DOCK3: variants seen among roughly 807,000 people sequenced by gnomAD.
DOCK3 encodes the protein dedicator of cytokinesis protein 3.
A neutral mutation model predicts 265.6 loss-of-function variants in DOCK3; 60 were observed. That is an observed-to-expected ratio of 0.23 (90% CI 0.18 to 0.28). The LOEUF (loss-of-function observed/expected upper bound fraction) is 0.28, where lower values mean the gene tolerates loss of function less well. DOCK3 is among the 10% of genes least tolerant of loss of function. DOCK3 has a pLI of 1.00. For missense variants in DOCK3, 1,981 were observed against 2,594.3 expected, an observed-to-expected ratio of 0.76 and a Z score of 5.14; for synonymous variants, 881 against 938.0, an observed-to-expected ratio of 0.94 and a Z score of 1.11.
intron 5 of DOCK3, among the ~76,000 whole-genome samples, chr3:51,005,329 GC>G (rs1323502581): frequency 1.3e-5 from 2 of 151,922 alleles, no homozygotes; most frequent in East Asian, 3.9e-4. Flanking sequence ...CACTGGTGAT[GC>G]CCCCAAACTT....
At chr3:51,161,412 C>T (rs1237161945) in intron 12 of DOCK3, among the ~76,000 whole-genome samples, 1 of 151,518 alleles carries the variant, frequency 6.6e-6, no homozygotes, top group African/African-American at 2.4e-5. Flanking sequence ...CCACTGCACT[C>T]CAGCCTGGGC....
chr3:51,327,626 A>C (rs1368295518), intron 32 of DOCK3, among the ~76,000 whole-genome samples: 1 of 149,792 alleles, frequency 6.7e-6, no homozygotes, highest in Non-Finnish European at 1.5e-5. Flanking sequence ...CTCCTTTATG[A>C]GCTCTGTAGG....
intron 3 of DOCK3, among the ~76,000 whole-genome samples, chr3:50,845,209 A>T (rs1275229177): frequency 6.6e-6 from 1 of 152,222 alleles, no homozygotes; most frequent in Non-Finnish European, 1.5e-5. Flanking sequence ...TCTGTCTCAA[A>T]AAAAACCAAC....
At chr3:51,337,203 G>A (rs1231970924) in intron 35 of DOCK3, among the ~76,000 whole-genome samples, 1 of 152,200 alleles carries the variant, frequency 6.6e-6, no homozygotes, top group Admixed American at 6.5e-5. Context: ...ACTTCCACAG[G>A]AAGGACATTT....
At chr3:50,996,702 G>A (rs1333750827) in intron 5 of DOCK3, among the ~76,000 whole-genome samples, 1 of 152,080 alleles carries the variant, frequency 6.6e-6, no homozygotes, top group Admixed American at 6.6e-5. Flanking sequence ...GAAGAAAAGA[G>A]GAAATGAGTA....
chr3:50,977,319 G>A (rs1409442159), intron 5 of DOCK3, among the ~76,000 whole-genome samples: 2 of 152,020 alleles, frequency 1.3e-5, no homozygotes, highest in African/African-American at 2.4e-5. Context: ...TCCTTCAGGA[G>A]CTCTTGTAAG....
intron 35 of DOCK3, among the ~76,000 whole-genome samples, chr3:51,335,924 C>G (rs555881281): frequency 7.4e-5 from 11 of 148,588 alleles, no homozygotes; most frequent in Non-Finnish European, 1.5e-4. Context: ...CCGGGGAGGT[C>G]GAGGATGCAG....
chr3:50,691,716 C>T (rs2035255484), intron 1 of DOCK3, among the ~76,000 whole-genome samples: 1 of 152,174 alleles, frequency 6.6e-6, no homozygotes, highest in South Asian at 2.1e-4. Flanking sequence ...GCATCCTCCC[C>T]AATACTTGTT....
intron 10 of DOCK3, among the ~76,000 whole-genome samples, chr3:51,151,700 A>G (rs867377404): frequency 3.9e-5 from 6 of 152,156 alleles, no homozygotes; most frequent in Non-Finnish European, 8.8e-5. Context: ...GGTGGTGACA[A>G]AGTCTCTCAG....
At chr3:50,705,843 A>G (rs956943686) in intron 1 of DOCK3, among the ~76,000 whole-genome samples, 1 of 152,142 alleles carries the variant, frequency 6.6e-6, no homozygotes. Context: ...CAGCCTGGCC[A>G]ACATGGTGAC....
At chr3:51,148,050 G>A (rs1469891052) in intron 10 of DOCK3, among the ~76,000 whole-genome samples, 3 of 152,146 alleles carry the variant, frequency 2.0e-5, no homozygotes, top group African/African-American at 4.8e-5. Flanking sequence ...GCGTGAGATG[G>A]TATCTCATTG....
intron 1 of DOCK3, among the ~76,000 whole-genome samples, chr3:50,725,642 A>G (rs1426610253): frequency 1.3e-5 from 2 of 151,988 alleles, no homozygotes; most frequent in African/African-American, 4.8e-5. Context: ...TTGCTTACCT[A>G]CTCACCGTCT....
intron 48 of DOCK3, 32 bp from the exon 49 acceptor site, chr3:51,362,495 C>T: frequency 6.2e-7 from 1 of 1,611,568 alleles, no homozygotes; most frequent in Non-Finnish European, 8.5e-7. Context: ...GCCATTCAGA[C>T]CTCTATCCTG....
At chr3:51,248,802 G>C (rs1330208539) in intron 22 of DOCK3, among the ~76,000 whole-genome samples, 128 of 148,798 alleles carry the variant, frequency 8.6e-4, no homozygotes, top group African/African-American at 3.0e-3. Context: ...GTCTTTGCCC[G>C]GCCGCCCATC....
intron 49 of DOCK3, among the ~76,000 whole-genome samples, chr3:51,373,020 CTGA>C (rs780783174): frequency 3.9e-5 from 6 of 152,144 alleles, no homozygotes; most frequent in Non-Finnish European, 5.9e-5. Flanking sequence ...AAAGCCAGCC[CTGA>C]GGTTCTACAA....
At chr3:51,192,512 G>C (rs1179846026) in intron 12 of DOCK3, among the ~76,000 whole-genome samples, 1 of 151,994 alleles carries the variant, frequency 6.6e-6, no homozygotes, top group African/African-American at 2.4e-5. Flanking sequence ...TTAGGGAGTG[G>C]TGAAGAATAA....
intron 12 of DOCK3, among the ~76,000 whole-genome samples, chr3:51,181,406 C>A (rs540783285): frequency 6.6e-6 from 1 of 150,652 alleles, no homozygotes; most frequent in Non-Finnish European, 1.5e-5. Context: ...TTTGTTCTTG[C>A]GATAGTTTGC....
chr3:51,356,188 A>G lies in DOCK3; in HGVS notation c.4349A>G (p.Asn1450Ser), dbSNP rs1447114381. 1.2e-6 allele frequency: 2 copies of G among 1,613,990 alleles called. No individual in the cohort carries two copies. The highest frequency in any genetic ancestry group is 1.7e-5 in the Admixed American group (1 of 60,024). ...DRVKSFYRVN[N>S]VRKFRYDRPF... ...GTCAAGAGCTTCTATCGCGTCAACAATGTGAGGAAGTTCCGGTATGACAGG... is the reference window on the plus strand; with the variant it reads ...GTCAAGAGCTTCTATCGCGTCAACAGTGTGAGGAAGTTCCGGTATGACAGG... Residue 1450 changes from asparagine to serine, a missense_variant, in exon 42 of 53, where the codon AAT becomes AGT. Asn to Ser is a conservative substitution (Grantham distance 46). Around this residue, in one of 4 missense-constraint regions of DOCK3, gnomAD observed 1,357 missense variants for 1,866.8 expected, o/e 0.73. Transcript: ENST00000266037.
At chr3:50,955,862 G>T (rs2076715687) in intron 5 of DOCK3, among the ~76,000 whole-genome samples, 1 of 152,146 alleles carries the variant, frequency 6.6e-6, no homozygotes, top group Admixed American at 6.5e-5. Flanking sequence ...GATAACAGTT[G>T]ATTGCTTACC....
Sources: gnomAD v4.1 joint callset for allele counts (sites outside exome capture counted in the v4.1 genomes callset) on GRCh38, gnomAD v4.1.1 for gene constraint, gnomAD v4.1.1 regional missense constraint, MANE v1.5 for transcripts, NCBI Gene and HGNC (gene_info 2026-07-23, HGNC 2026-07-21) for gene names.